Variants in SLC28A1 observed in about 807,000 individuals in gnomAD.
SLC28A1 encodes solute carrier family 28 member 1, also known as sodium/nucleoside cotransporter 1.
In SLC28A1, 64 loss-of-function variants were observed where a neutral mutation model predicts 74.8. The observed-to-expected ratio is 0.86, with a 90% CI of 0.70 to 1.05. SLC28A1 has a LOEUF of 1.05. Ranked by LOEUF, SLC28A1 falls within the 50% of genes least tolerant of loss-of-function variation. The pLI is 0.00. For synonymous variants in SLC28A1, 359 were observed against 335.0 expected (o/e 1.07, Z -0.78); for missense variants, 828 against 822.8 (o/e 1.01, Z -0.08).
chr15:84,928,957 C>G (rs1158876243), intron 12 of SLC28A1, among the ~76,000 whole-genome samples: 2 of 152,040 alleles, frequency 1.3e-5, no homozygotes, highest in Non-Finnish European at 2.9e-5. Flanking sequence ...CACTTTGTTG[C>G]TCAATCTCTG....
At chr15:84,919,484 A>G (rs2141902362) in intron 10 of SLC28A1, among the ~76,000 whole-genome samples, 1 of 152,340 alleles carries the variant, frequency 6.6e-6, no homozygotes, top group East Asian at 1.9e-4. Flanking sequence ...CTCATGGCCA[A>G]ATAGAGGGTA....
At chr15:84,974,877 C>T in the SLC28A1 span, among the ~76,000 whole-genome samples, 2 of 152,108 alleles carry the variant, frequency 1.3e-5, no homozygotes, top group Admixed American at 1.3e-4. Flanking sequence ...GGCCTGAAAC[C>T]CAGAGGAACT....
Position 84,890,514 on chromosome 15 carries a change from G to A in SLC28A1, c.257G>A (p.Gly86Asp), listed in dbSNP as rs369963106. The A allele has an allele frequency of 1.2e-6, 2 of 1,610,520 alleles. No homozygotes were observed. The highest frequency in any genetic ancestry group is 1.7e-6 in the Non-Finnish European group (2 of 1,179,258). The change falls in exon 5 of 19, where the codon GGC (glycine) becomes GAC (aspartate). Residue 86 changes from glycine (G) to aspartate (D), a missense_variant. This residue lies in a region of SLC28A1 where 767 missense variants were observed against 753.5 expected (regional missense o/e 1.02). Transcript: ENST00000394573. ...REHMQLFRWIGTGLLCTGLSA... is the reference protein window; with the variant it reads ...REHMQLFRWIDTGLLCTGLSA... ...CACATGCAGCTGTTTCGATGGATCG[G>A]CACAGGCCTGCTCTGCACTGGTGAG... is the stretch of plus-strand genomic sequence containing the variant.
chr15:84,973,109 C>T, the SLC28A1 span, among the ~76,000 whole-genome samples: 2 of 152,218 alleles, frequency 1.3e-5, no homozygotes, highest in Non-Finnish European at 2.9e-5. Flanking sequence ...CATTTTTCCA[C>T]TTAGCCCCTT....
intron 9 of SLC28A1, among the ~76,000 whole-genome samples, chr15:84,915,952 G>GTTCTTC (rs1279375308): frequency 6.7e-6 from 1 of 149,828 alleles, no homozygotes; most frequent in Non-Finnish European, 1.5e-5. Context: ...TGTTGTTGTT[G>GTTCTTC]TTCTTCTTCT....
chr15:84,934,436 A>G (rs534326482), intron 13 of SLC28A1, among the ~76,000 whole-genome samples: 1 of 152,214 alleles, frequency 6.6e-6, no homozygotes, highest in Non-Finnish European at 1.5e-5. Context: ...ACATCCCGTC[A>G]TAGTCTTAAT....
chr15:84,886,530 G>T (rs1168333813), intron 1 of SLC28A1, 142 bp from the exon 2 acceptor site: 12 of 985,582 alleles, frequency 1.2e-5, no homozygotes, highest in South Asian at 4.7e-5. Flanking sequence ...GCTGCAGGGA[G>T]CCAGGTTGCA....
At chr15:84,960,604 T>C in the SLC28A1 span, among the ~76,000 whole-genome samples, 1 of 152,128 alleles carries the variant, frequency 6.6e-6, no homozygotes, top group Non-Finnish European at 1.5e-5. Context: ...AAAACTCCAG[T>C]TTCCTGTCAG....
rs1384264871 is a variant in SLC28A1, at chr15:84,895,123, G to C, written c.461G>C (p.Arg154Thr). 6.2e-7 allele frequency: 1 copy of C among 1,613,734 alleles called. No individual in the cohort carries two copies. The highest frequency in any genetic ancestry group is 8.5e-7 in the Non-Finnish European group (1 of 1,179,890). ...CCCCGCCTGCTGCTCTGGTTTAAGAGGTGAGTGAGCTCACAGCCCCGAGGC... is the reference window on the plus strand; with the variant it reads ...CCCCGCCTGCTGCTCTGGTTTAAGACGTGAGTGAGCTCACAGCCCCGAGGC... ...GHPRLLLWFKRGLALAAFLGL... is the reference protein window; with the variant it reads ...GHPRLLLWFKTGLALAAFLGL... The change falls in exon 6 of 19, where the codon AGG becomes ACG. Residue 154 changes from arginine (R) to threonine (T), a missense_variant and splice_region_variant. Physicochemically the swap from Arg to Thr is moderately conservative, Grantham distance 71. Coordinates refer to ENST00000394573, the MANE Select transcript of SLC28A1 (RefSeq NM_004213.5).
chr15:84,908,619 C>A, intron 8 of SLC28A1, 99 bp from the exon 9 acceptor site: 1 of 980,912 alleles, frequency 1.0e-6, no homozygotes. Flanking sequence ...GGGGGGACTA[C>A]GTCCCTGGGC....
chr15:84,912,186 C>A (rs1206670240), intron 9 of SLC28A1, among the ~76,000 whole-genome samples: 1 of 152,202 alleles, frequency 6.6e-6, no homozygotes, highest in African/African-American at 2.4e-5. Context: ...CTCCCCCTCT[C>A]CCCTATATCA....
intron 12 of SLC28A1, chr15:84,926,678 G>A: frequency 2.7e-6 from 1 of 365,602 alleles, no homozygotes; most frequent in Non-Finnish European, 5.5e-6. Flanking sequence ...CCCACACAAG[G>A]TGGTAGCATT....
chr15:84,964,560 A>C, the SLC28A1 span, among the ~76,000 whole-genome samples: 1 of 152,244 alleles, frequency 6.6e-6, no homozygotes, highest in South Asian at 2.1e-4. Context: ...AATATCTCAC[A>C]TAGTAGCAAC....
At chr15:84,944,975 G>A in intron 18 of SLC28A1, 108 bp downstream of exon 18, 4 of 1,071,354 alleles carry the variant, frequency 3.7e-6, no homozygotes, top group Non-Finnish European at 5.8e-6. Flanking sequence ...AAATGTTACG[G>A]CTGCAGCTAA....
the SLC28A1 span, among the ~76,000 whole-genome samples, chr15:84,974,662 G>T: frequency 1.3e-5 from 2 of 152,176 alleles, no homozygotes; most frequent in South Asian, 2.1e-4. Flanking sequence ...CTACCCTGGT[G>T]CAAGTGTTAG....
At chr15:84,899,940 A>AAAGGAAGGAAGGAAGGAAGGAAAG (rs1966439423) in intron 6 of SLC28A1, among the ~76,000 whole-genome samples, 1 of 136,816 alleles carries the variant, frequency 7.3e-6, no homozygotes, top group East Asian at 2.3e-4. Context: ...AGAAAGAAAG[A>AAAGGAAGGAAGGAAGGAAGGAAAG]AAGGAAGGAA....
the SLC28A1 span, among the ~76,000 whole-genome samples, chr15:84,962,073 A>T: frequency 2.4e-4 from 37 of 151,902 alleles, no homozygotes; most frequent in Middle Eastern, 3.4e-3. Context: ...ATTTTTTTTT[A>T]AATTTCTTAA....
the SLC28A1 span, among the ~76,000 whole-genome samples, chr15:84,971,210 T>G: frequency 6.6e-6 from 1 of 152,184 alleles, no homozygotes; most frequent in Non-Finnish European, 1.5e-5. Context: ...CAAGTTTTAA[T>G]GAAGAGGATT....
the SLC28A1 span, among the ~76,000 whole-genome samples, chr15:84,960,317 G>A: frequency 4.0e-5 from 5 of 124,856 alleles, no homozygotes; most frequent in Admixed American, 4.0e-4. Context: ...GTACAGTGGC[G>A]CAATCTCAGC....
Sources: gnomAD v4.1 joint callset for allele counts (sites outside exome capture counted in the v4.1 genomes callset) on GRCh38, gnomAD v4.1.1 for gene constraint, gnomAD v4.1.1 regional missense constraint, MANE v1.5 for transcripts, NCBI Gene and HGNC (gene_info 2026-07-23, HGNC 2026-07-21) for gene names.